The following RALYL variants were observed in gnomAD, a reference collection of about 807,000 sequenced individuals.
RALYL encodes RNA-binding Raly-like protein.
Under a neutral mutation model 35.1 loss-of-function variants are expected in RALYL, and 29 were observed. The observed-to-expected ratio is 0.83, with a 90% confidence interval of 0.61 to 1.13. RALYL has a LOEUF of 1.13. RALYL is among the 50% of genes most tolerant of loss of function. RALYL has a pLI of 0.00. For synonymous variants in RALYL, 120 were observed against 127.6 expected (o/e 0.94, Z 0.40); for missense variants, 359 against 360.4 (o/e 1.00, Z 0.03).
At chr8:84,364,383 G>C (rs1268991099) in intron 1 of RALYL, among the ~76,000 whole-genome samples, 1 of 152,050 alleles carries the variant, frequency 6.6e-6, no homozygotes, top group Non-Finnish European at 1.5e-5. Flanking sequence ...ATAACCCTCT[G>C]ATAGAAACTA....
chr8:84,596,133 C>T lies in RALYL; in HGVS notation c.256+66556C>T, dbSNP rs549939514. 9.4e-5 allele frequency among the ~76,000 whole-genome samples: 14 copies of T among 148,918 alleles called. No individual in the cohort carries two copies. The South Asian group carries it at 2.8e-3, about 29-fold the overall frequency. ...TAAGTCACAATTCTGTTTACTTGAG[C>T]TCAGTGTAAATTTTGAGAAGATGTC... On this transcript the variant is annotated intron_variant, in intron 2 of 8. Coordinates refer to ENST00000521268, the MANE Select transcript of RALYL (RefSeq NM_173848.7).
chr8:84,653,146 G>T (rs764070386), intron 2 of RALYL, among the ~76,000 whole-genome samples: 4 of 151,964 alleles, frequency 2.6e-5, no homozygotes, highest in Non-Finnish European at 5.9e-5. Context: ...CTGTACACAT[G>T]CTTTCTTTAG....
At chr8:84,537,103 G>C (rs550747083) in intron 2 of RALYL, among the ~76,000 whole-genome samples, 1 of 150,416 alleles carries the variant, frequency 6.6e-6, no homozygotes, top group Non-Finnish European at 1.5e-5. Flanking sequence ...TCTATTCAGG[G>C]TGTATACGTG....
rs567421216 is a variant in RALYL at position 84,243,526 on chromosome 8, G to A, written c.-24+59102G>A. 8.0e-4 allele frequency among the ~76,000 whole-genome samples: 96 copies of A among 119,416 alleles called. 1 individual carries two copies. Among genetic ancestry groups the A allele is most frequent in the Middle Eastern group, 9.1e-3 (2 of 220 alleles). The allele number at this position is 119,416 out of a possible 152,430, so 78.3% of individuals were successfully genotyped here. A position where few individuals can be genotyped will look rare whatever the true frequency, so the allele number is the denominator to read the frequency against. On this transcript the variant is annotated intron_variant, in intron 1 of 8. Coordinates refer to ENST00000521268, the MANE Select transcript of RALYL (RefSeq NM_173848.7). ...CTTTTTTTTTTTTTTTTTTTTTGAG[G>A]TCTATCAGTCAGCTTTTCAGAGTGG...
intron 1 of RALYL, among the ~76,000 whole-genome samples, chr8:84,237,815 T>G (rs957929718): frequency 1.3e-5 from 2 of 152,042 alleles, no homozygotes; most frequent in Non-Finnish European, 2.9e-5. Context: ...ACATTTCAGA[T>G]TGAAAATTTA....
chr8:84,381,034 A>C (rs1400743854), intron 1 of RALYL, among the ~76,000 whole-genome samples: 2 of 151,856 alleles, frequency 1.3e-5, no homozygotes, highest in East Asian at 3.9e-4. Flanking sequence ...AGAGGACCCC[A>C]AACATTTATC....
chr8:84,345,948 C>A (rs954948846), intron 1 of RALYL, among the ~76,000 whole-genome samples: 14 of 152,082 alleles, frequency 9.2e-5, no homozygotes, highest in Admixed American at 7.9e-4. Flanking sequence ...CTGCCCTTTC[C>A]ATCTGTGAAA....
intron 4 of RALYL, among the ~76,000 whole-genome samples, chr8:84,815,694 T>C (rs1161269332): frequency 2.6e-5 from 4 of 151,874 alleles, no homozygotes; most frequent in Non-Finnish European, 5.9e-5. Context: ...AGATATACTC[T>C]GATCTTGGAA....
At chr8:84,502,067 T>C (rs1246025266) in intron 1 of RALYL, among the ~76,000 whole-genome samples, 7 of 151,880 alleles carry the variant, frequency 4.6e-5, no homozygotes, top group African/African-American at 1.7e-4. Flanking sequence ...ATACCATTTT[T>C]TGACAATTTG....
chr8:84,680,140 G>C (rs1314640088), intron 2 of RALYL, among the ~76,000 whole-genome samples: 1 of 152,042 alleles, frequency 6.6e-6, no homozygotes, highest in East Asian at 1.9e-4. Flanking sequence ...TGAGAATGAT[G>C]GTTTTCAGCT....
chr8:84,649,420 C>G (rs1053232944), intron 2 of RALYL, among the ~76,000 whole-genome samples: 4 of 151,484 alleles, frequency 2.6e-5, no homozygotes, highest in Admixed American at 2.0e-4. Flanking sequence ...TTAGGTCTAA[C>G]GTTTAAGTCT....
At position 84,445,751 on chromosome 8, in the gene RALYL, G is replaced by A. The variant is rs1033801580; in HGVS notation, c.-23-83548G>A. On this transcript the variant is annotated intron_variant, in intron 1 of 8. Coordinates refer to ENST00000521268, the MANE Select transcript of RALYL (RefSeq NM_173848.7). ...AATGTGTTTGCATTAATTGAAAAAC[G>A]TGGGCTCCCTCTTGTGACAACATCA... Among the ~76,000 whole-genome samples the A allele has an allele frequency of 2.0e-5, 3 of 151,312 alleles. 1 individual carries two copies. Among genetic ancestry groups the A allele is most frequent in the South Asian group, 4.2e-4 (2 of 4,812 alleles).
chr8:84,386,914 TC>T (rs1445772784), intron 1 of RALYL, among the ~76,000 whole-genome samples: 1 of 151,674 alleles, frequency 6.6e-6, no homozygotes, highest in Non-Finnish European at 1.5e-5. Flanking sequence ...TTGGGCCCAA[TC>T]CTCTGGGGAA....
chr8:84,666,650 G>T (rs2131740619), intron 2 of RALYL, among the ~76,000 whole-genome samples: 1 of 152,134 alleles, frequency 6.6e-6, no homozygotes, highest in South Asian at 2.1e-4. Flanking sequence ...TTTCCCAGGA[G>T]GCACTAATGT....
chr8:84,438,615 T>G (rs1023697227), intron 1 of RALYL, among the ~76,000 whole-genome samples: 1 of 152,088 alleles, frequency 6.6e-6, no homozygotes, highest in African/African-American at 2.4e-5. Context: ...TGGTCTCAGA[T>G]TCCTGAGCTC....
intron 4 of RALYL, among the ~76,000 whole-genome samples, chr8:84,833,659 GAA>G (rs1831379821): frequency 7.0e-6 from 1 of 142,926 alleles, no homozygotes; most frequent in Non-Finnish European, 1.5e-5. Flanking sequence ...AAAAAAAAAA[GAA>G]AGAAAGATTT....
Position 84,210,041 on chromosome 8 carries a change from G to A in RALYL, c.-24+25617G>A, listed in dbSNP as rs534565550. Among the ~76,000 whole-genome samples the A allele has an allele frequency of 4.6e-5, 7 of 152,232 alleles. No homozygotes were observed. The South Asian group carries it at 1.2e-3, about 27-fold the overall frequency. ...CAAAAGTAGTTATTAAAGAGGACTA[G>A]TGACAGCATCACTGGAATTAAATGT... is the stretch of plus-strand genomic sequence containing the variant. On this transcript the variant is annotated intron_variant, in intron 1 of 8. Coordinates refer to ENST00000521268, the MANE Select transcript of RALYL (RefSeq NM_173848.7).
intron 2 of RALYL, 58 bp downstream of exon 2, chr8:84,529,635 T>G (rs1030399756): frequency 6.6e-7 from 1 of 1,524,554 alleles, no homozygotes; most frequent in Non-Finnish European, 8.9e-7. Context: ...GAAATTGTTT[T>G]ATTTCACAAA....
intron 3 of RALYL, among the ~76,000 whole-genome samples, chr8:84,775,351 T>C (rs1816595340): frequency 6.6e-6 from 1 of 152,232 alleles, no homozygotes; most frequent in African/African-American, 2.4e-5. Flanking sequence ...TAGATATTCC[T>C]GTTCTCATAA....
Sources: allele counts gnomAD v4.1 joint callset (sites outside exome capture counted in the v4.1 genomes callset), GRCh38; gene constraint gnomAD v4.1.1; transcripts MANE v1.5; gene names NCBI Gene and HGNC (gene_info 2026-07-23, HGNC 2026-07-21).